Variants in RGS6 observed in about 807,000 individuals in gnomAD.
RGS6 encodes regulator of G-protein signaling 6.
A neutral mutation model predicts 78.5 loss-of-function variants in RGS6; 30 were observed. That is an observed-to-expected ratio of 0.38 (90% CI 0.29 to 0.52). The LOEUF (loss-of-function observed/expected upper bound fraction) is 0.52. RGS6 is among the 20% of genes least tolerant of loss of function. The pLI is 0.85. For synonymous variants in RGS6, 206 were observed against 206.0 expected (o/e 1.00, Z 0.00); for missense variants, 495 against 609.7 (o/e 0.81, Z 1.98).
chr14:72,591,091 A>G, the RGS6 span, among the ~76,000 whole-genome samples: 18 of 152,346 alleles, frequency 1.2e-4, 1 homozygote, highest in African/African-American at 4.1e-4. Context: ...TGAAGGAAAT[A>G]CAGTCATTGT....
intron 2 of RGS6, among the ~76,000 whole-genome samples, chr14:72,018,910 A>C (rs755135567): frequency 9.2e-5 from 14 of 152,150 alleles, no homozygotes; most frequent in Admixed American, 6.5e-5. Flanking sequence ...TGAATTTAAA[A>C]ATATATATAA....
At chr14:72,453,471 C>A (rs897202915) in intron 3 of RGS6, among the ~76,000 whole-genome samples, 3 of 149,526 alleles carry the variant, frequency 2.0e-5, no homozygotes, top group Non-Finnish European at 4.4e-5. Context: ...AAAAAATTAG[C>A]CGGGCGTAGT....
intron 3 of RGS6, among the ~76,000 whole-genome samples, chr14:72,360,905 C>G (rs1057398045): frequency 2.0e-5 from 3 of 152,054 alleles, no homozygotes; most frequent in African/African-American, 7.3e-5. Flanking sequence ...CCATGCTATT[C>G]TCATGATAGT....
intron 15 of RGS6, among the ~76,000 whole-genome samples, chr14:72,535,746 G>A (rs988337235): frequency 1.3e-5 from 2 of 152,124 alleles, no homozygotes; most frequent in African/African-American, 4.8e-5. Flanking sequence ...TCTGTTCTTT[G>A]TCTCTATAAT....
chr14:72,100,669 TACTC>T (rs1220866374), intron 2 of RGS6, among the ~76,000 whole-genome samples: 4 of 152,248 alleles, frequency 2.6e-5, no homozygotes, highest in Non-Finnish European at 4.4e-5. Context: ...TTTCCCAGCT[TACTC>T]AGTAAATATT....
chr14:72,482,501 T>A (rs1338451695), intron 12 of RGS6, among the ~76,000 whole-genome samples: 1 of 152,178 alleles, frequency 6.6e-6, no homozygotes, highest in African/African-American at 2.4e-5. Flanking sequence ...TGCTCACATG[T>A]CTATGTGCCA....
At chr14:72,560,385 C>T (rs554528644) in intron 17 of RGS6, among the ~76,000 whole-genome samples, 2 of 152,290 alleles carry the variant, frequency 1.3e-5, no homozygotes, top group East Asian at 1.9e-4. Flanking sequence ...CAAGGAGGCC[C>T]CTAGGCTCAG....
intron 3 of RGS6, among the ~76,000 whole-genome samples, chr14:72,436,348 G>A (rs1368238758): frequency 2.0e-5 from 3 of 152,000 alleles, no homozygotes; most frequent in African/African-American, 2.4e-5. Context: ...AAACTGCAAG[G>A]CTGGTTCTCT....
intron 2 of RGS6, among the ~76,000 whole-genome samples, chr14:72,063,439 T>C (rs1283079022): frequency 6.6e-6 from 1 of 152,024 alleles, no homozygotes; most frequent in Admixed American, 6.6e-5. Flanking sequence ...ATGTCATTGA[T>C]TGGGTGGGGG....
Position 72,364,363 on chromosome 14 carries a change from G to A in RGS6, c.184+12169G>A, listed in dbSNP as rs562871222. On this transcript the variant is annotated intron_variant, in intron 3 of 17. Coordinates refer to ENST00000553525, the MANE Select transcript of RGS6 (RefSeq NM_001204424.2). ...TGGGTACCAAACTTAAAGTTGAAAC[G>A]CATTAATACATGGCCACCCTGTTAC... Among the ~76,000 whole-genome samples, 95 of 152,282 alleles carry A rather than the reference G, an allele frequency of 6.2e-4. 1 individual carries two copies. The highest frequency in any genetic ancestry group is 6.2e-4 in the South Asian group (3 of 4,822).
intron 2 of RGS6, among the ~76,000 whole-genome samples, chr14:72,247,545 A>G (rs988760908): frequency 2.0e-5 from 3 of 152,236 alleles, no homozygotes; most frequent in African/African-American, 7.2e-5. Context: ...GGTGAAATCA[A>G]CATGAGCAGT....
the RGS6 span, among the ~76,000 whole-genome samples, chr14:71,897,102 T>A: frequency 7.9e-5 from 12 of 152,360 alleles, no homozygotes; most frequent in African/African-American, 2.6e-4. Context: ...CTAGGGGGTA[T>A]AATCCACAAA....
At chr14:72,352,399 C>T (rs1292636233) in intron 3 of RGS6, among the ~76,000 whole-genome samples, 1 of 152,178 alleles carries the variant, frequency 6.6e-6, no homozygotes, top group Non-Finnish European at 1.5e-5. Flanking sequence ...TTACCATGAC[C>T]AGCCCTTCAA....
At chr14:71,877,922 G>C in the RGS6 span, among the ~76,000 whole-genome samples, 7 of 152,328 alleles carry the variant, frequency 4.6e-5, no homozygotes, top group African/African-American at 1.4e-4. Context: ...CTCAGCTGCA[G>C]GTCTGTTGGA....
At chr14:71,873,849 T>C in the RGS6 span, among the ~76,000 whole-genome samples, 1 of 152,238 alleles carries the variant, frequency 6.6e-6, no homozygotes, top group African/African-American at 2.4e-5. Flanking sequence ...CCGTTTCAGC[T>C]TTCTACATAT....
intron 2 of RGS6, among the ~76,000 whole-genome samples, chr14:72,237,953 C>T (rs552792059): frequency 1.5e-5 from 2 of 132,142 alleles, no homozygotes; most frequent in South Asian, 5.6e-4. Flanking sequence ...TTACACCCTG[C>T]CCTCTGGGTA....
intron 2 of RGS6, among the ~76,000 whole-genome samples, chr14:72,113,026 A>G (rs1485846437): frequency 1.3e-5 from 2 of 152,148 alleles, no homozygotes; most frequent in African/African-American, 4.8e-5. Flanking sequence ...GGCTGTTGAA[A>G]ATGACCAGCT....
chr14:72,162,159 G>A (rs922861863), intron 2 of RGS6, among the ~76,000 whole-genome samples: 1 of 148,118 alleles, frequency 6.8e-6, no homozygotes, highest in African/African-American at 2.5e-5. Context: ...ACATTAACTA[G>A]CGTAAAATAC....
intron 2 of RGS6, among the ~76,000 whole-genome samples, chr14:72,183,775 A>G (rs1476278899): frequency 6.6e-6 from 1 of 152,210 alleles, no homozygotes; most frequent in Middle Eastern, 3.2e-3. Context: ...AGGTGCAAGG[A>G]ATTCTTTTTC....
Sources: gnomAD v4.1 joint callset for allele counts (sites outside exome capture counted in the v4.1 genomes callset) on GRCh38, gnomAD v4.1.1 for gene constraint, MANE v1.5 for transcripts, NCBI Gene and HGNC (gene_info 2026-07-23, HGNC 2026-07-21) for gene names.